The following NBEA variants were observed in gnomAD, a reference collection of about 807,000 sequenced individuals.
NBEA encodes the protein neurobeachin.
In NBEA, 44 loss-of-function variants were observed where a neutral mutation model predicts 343.4. That is an observed-to-expected ratio of 0.13 (90% CI 0.10 to 0.16). The LOEUF (loss-of-function observed/expected upper bound fraction) is 0.16, where lower values mean the gene tolerates loss of function less well. Ranked by LOEUF, NBEA falls within the 10% of genes least tolerant of loss-of-function variation. The probability of loss-of-function intolerance (pLI) is 1.00; values close to 1 mark genes in which losing one functional copy is unlikely to be tolerated. For missense variants in NBEA, 2,555 were observed against 3,631.3 expected, an observed-to-expected ratio of 0.70 and a Z score of 7.62; for synonymous variants, 1,175 against 1,238.7, an observed-to-expected ratio of 0.95 and a Z score of 1.08.
intron 36 of NBEA, among the ~76,000 whole-genome samples, chr13:35,317,376 C>T (rs2037813784): frequency 6.6e-6 from 1 of 152,138 alleles, no homozygotes; most frequent in Non-Finnish European, 1.5e-5. Context: ...TTCCCCATTG[C>T]TTGATTTTTG....
intron 28 of NBEA, among the ~76,000 whole-genome samples, chr13:35,177,618 A>T (rs562065177): frequency 6.6e-6 from 1 of 151,996 alleles, no homozygotes; most frequent in African/African-American, 2.4e-5. Context: ...AAGAGGTTTC[A>T]TGGAACCCTC....
chr13:35,281,026 T>C (rs563402382), intron 34 of NBEA, among the ~76,000 whole-genome samples: 208 of 152,238 alleles, frequency 1.4e-3, no homozygotes, highest in African/African-American at 4.8e-3. Flanking sequence ...GTATGTAATA[T>C]AGAACTTGAC....
intron 30 of NBEA, among the ~76,000 whole-genome samples, chr13:35,193,609 A>G (rs1325295186): frequency 6.6e-6 from 1 of 151,790 alleles, no homozygotes. Context: ...ATGCCAAACT[A>G]TTGTCTTTAC....
At chr13:35,177,388 ACTC>A (rs2070981064) in intron 28 of NBEA, among the ~76,000 whole-genome samples, 1 of 151,610 alleles carries the variant, frequency 6.6e-6, no homozygotes. Flanking sequence ...TGTATCAACT[ACTC>A]CTCTCTTAGT....
intron 35 of NBEA, 62 bp from the exon 36 acceptor site, chr13:35,309,466 A>G (rs1307095710): frequency 4.5e-6 from 4 of 879,380 alleles, no homozygotes; most frequent in Non-Finnish European, 5.4e-6. Flanking sequence ...TGATCCTTAA[A>G]CCAGAAGTTA....
chr13:35,117,314 GATA>G (rs1459443802), intron 13 of NBEA, 97 bp from the exon 14 acceptor site: 8 of 425,778 alleles, frequency 1.9e-5, no homozygotes, highest in Non-Finnish European at 3.0e-5. Context: ...TTTTAATAAA[GATA>G]ATTATTCAAG....
At chr13:35,103,395 T>C (rs2065750930) in intron 11 of NBEA, among the ~76,000 whole-genome samples, 1 of 151,670 alleles carries the variant, frequency 6.6e-6, no homozygotes, top group African/African-American at 2.4e-5. Flanking sequence ...CTTTCTTGCA[T>C]TGTGTTTTGT....
At chr13:35,622,686 T>G (rs144072821) in intron 48 of NBEA, among the ~76,000 whole-genome samples, 9 of 152,300 alleles carry the variant, frequency 5.9e-5, no homozygotes, top group African/African-American at 1.9e-4. Flanking sequence ...GATTATCTAC[T>G]TGAATATATG....
chr13:35,048,787 G>A (rs977232598), intron 5 of NBEA, 103 bp downstream of exon 5: 67 of 628,094 alleles, frequency 1.1e-4, no homozygotes, highest in Middle Eastern at 4.5e-4. Flanking sequence ...ATATATGTGC[G>A]TATAATATAT....
intron 10 of NBEA, 53 bp downstream of exon 10, chr13:35,070,905 A>G (rs561127249): frequency 2.5e-6 from 4 of 1,585,888 alleles, no homozygotes; most frequent in East Asian, 2.3e-5. Flanking sequence ...ACTTAAGACT[A>G]TGCATGATGT....
At chr13:35,413,426 G>A (rs1346676440) in intron 38 of NBEA, among the ~76,000 whole-genome samples, 1 of 151,946 alleles carries the variant, frequency 6.6e-6, no homozygotes, top group African/African-American at 2.4e-5. Flanking sequence ...GATAGTTTTT[G>A]TTACTACGTA....
chr13:35,645,272 T>C (rs775545125), intron 49 of NBEA, among the ~76,000 whole-genome samples: 4 of 152,234 alleles, frequency 2.6e-5, no homozygotes, highest in South Asian at 2.1e-4. Flanking sequence ...GGGAAAAAAT[T>C]AGCATGGTAG....
At chr13:35,139,285 T>C (rs1437585019) in intron 17 of NBEA, among the ~76,000 whole-genome samples, 2 of 152,078 alleles carry the variant, frequency 1.3e-5, no homozygotes, top group Non-Finnish European at 2.9e-5. Context: ...GGTCTTGAAC[T>C]CCTGACCTCA....
At chr13:35,027,989 A>G (rs1289020252) in intron 1 of NBEA, among the ~76,000 whole-genome samples, 2 of 151,832 alleles carry the variant, frequency 1.3e-5, no homozygotes, top group East Asian at 1.9e-4. Context: ...CTTGTTGATA[A>G]TCATTTAGGG....
At chr13:35,003,940 A>C (rs1009198433) in intron 1 of NBEA, among the ~76,000 whole-genome samples, 1 of 151,106 alleles carries the variant, frequency 6.6e-6, no homozygotes, top group Non-Finnish European at 1.5e-5. Context: ...CCCTCCTCCC[A>C]CCCTACCCTG....
chr13:35,574,797 T>G (rs1566346997), intron 45 of NBEA, among the ~76,000 whole-genome samples: 1 of 151,890 alleles, frequency 6.6e-6, no homozygotes, highest in Non-Finnish European at 1.5e-5. Context: ...TTGCCCAGGC[T>G]GAAGTGCAAT....
intron 48 of NBEA, among the ~76,000 whole-genome samples, chr13:35,619,949 A>G (rs545474232): frequency 1.3e-5 from 2 of 152,268 alleles, no homozygotes; most frequent in South Asian, 4.1e-4. Flanking sequence ...TCCTTCGTTC[A>G]TTCCGTAATT....
chr13:35,384,311 C>T (rs2042139740), intron 38 of NBEA, among the ~76,000 whole-genome samples: 1 of 152,080 alleles, frequency 6.6e-6, no homozygotes, highest in South Asian at 2.1e-4. Context: ...GTAAAAATTG[C>T]TAACCAGTAA....
intron 1 of NBEA, among the ~76,000 whole-genome samples, chr13:34,989,346 T>G (rs919043241): frequency 6.6e-6 from 1 of 150,896 alleles, no homozygotes; most frequent in African/African-American, 2.4e-5. Context: ...AGAAAAGAGA[T>G]TTAATCGATT....
Sources: gnomAD v4.1 joint callset for allele counts (sites outside exome capture counted in the v4.1 genomes callset) on GRCh38, gnomAD v4.1.1 for gene constraint, MANE v1.5 for transcripts, NCBI Gene and HGNC (gene_info 2026-07-23, HGNC 2026-07-21) for gene names.